The following CHL1 variants were observed in gnomAD, a reference collection of about 807,000 sequenced individuals.
CHL1 encodes cell adhesion molecule L1 like, also known as neural cell adhesion molecule L1-like protein.
In CHL1, 96 loss-of-function variants were observed where a neutral mutation model predicts 141.9. The ratio of observed to expected loss-of-function variants is 0.68; its 90% CI spans 0.57 to 0.80. The LOEUF is 0.80. Among genes scored for constraint, CHL1 ranks in the 30% least tolerant of loss-of-function variants. The pLI, the probability that CHL1 is intolerant of heterozygous loss-of-function variation, is 0.00. For missense variants in CHL1, 1,820 were observed against 1,457.2 expected, an observed-to-expected ratio of 1.25 and a Z score of -4.05; for synonymous variants, 613 against 502.2, an observed-to-expected ratio of 1.22 and a Z score of -2.95.
intron 2 of CHL1, among the ~76,000 whole-genome samples, chr3:296,530 T>A (rs943340622): frequency 6.6e-6 from 1 of 152,170 alleles, no homozygotes; most frequent in African/African-American, 2.4e-5. Flanking sequence ...TAACTCATGC[T>A]TTCATAGTTT....
chr3:304,210 G>A (rs1699019714), intron 2 of CHL1, among the ~76,000 whole-genome samples: 1 of 152,102 alleles, frequency 6.6e-6, no homozygotes, highest in Admixed American at 6.5e-5. Context: ...TGTTGTTGTT[G>A]TTGTGTTTCT....
intron 1 of CHL1, among the ~76,000 whole-genome samples, chr3:202,204 T>C (rs143630380): frequency 1.3e-5 from 2 of 152,300 alleles, no homozygotes; most frequent in Non-Finnish European, 2.9e-5. Context: ...GTGGACATTG[T>C]ATGGGGCAAT....
intron 1 of CHL1, among the ~76,000 whole-genome samples, chr3:204,693 C>T (rs980021492): frequency 2.0e-5 from 3 of 152,146 alleles, no homozygotes; most frequent in African/African-American, 7.2e-5. Flanking sequence ...AATAACACGT[C>T]TCATGTGCAA....
At chr3:203,391 G>T (rs958221301) in intron 1 of CHL1, among the ~76,000 whole-genome samples, 3 of 152,254 alleles carry the variant, frequency 2.0e-5, no homozygotes, top group African/African-American at 7.2e-5. Context: ...CCACAGGTTA[G>T]AACCCAGTGG....
chr3:375,124 C>A (rs1181586737), intron 15 of CHL1, among the ~76,000 whole-genome samples: 1 of 152,106 alleles, frequency 6.6e-6, no homozygotes, highest in East Asian at 1.9e-4. Context: ...AATGCCCCCC[C>A]AGGAATTTTC....
chr3:372,201 T>A, intron 15 of CHL1, among the ~76,000 whole-genome samples: 1 of 152,184 alleles, frequency 6.6e-6, no homozygotes, highest in East Asian at 1.9e-4. Flanking sequence ...GGAAGTGTGT[T>A]TTTCAGCTTG....
At position 391,733 on chromosome 3, in the gene CHL1, A is replaced by G. The variant is rs1296153667; in HGVS notation, c.2850A>G (p.Leu950=). The G allele has an allele frequency of 1.2e-6, 2 of 1,604,624 alleles. No homozygotes were observed. The highest frequency in any genetic ancestry group is 1.7e-6 in the Non-Finnish European group (2 of 1,172,986). ...VIKVDKDTAT[L]SWGLPKKLNG... The stretch of plus-strand genomic sequence containing the variant: ...AAGTTGATAAAGACACTGCCACTTT[A>G]TCTTGGGGACTACCTAAGAAATTAA... Residue 950 remains leucine (L), a synonymous_variant, in exon 23 of 28, where the codon TTA becomes TTG. Coordinates refer to ENST00000256509, the MANE Select transcript of CHL1 (RefSeq NM_006614.4).
intron 9 of CHL1, 31 bp downstream of exon 9, chr3:344,740 G>T (rs780779335): frequency 1.2e-6 from 2 of 1,608,978 alleles, no homozygotes; most frequent in South Asian, 2.2e-5. Context: ...TCATGACTTT[G>T]TCCATCCAGT....
At chr3:226,638 G>C (rs923562480) in intron 1 of CHL1, among the ~76,000 whole-genome samples, 1 of 151,706 alleles carries the variant, frequency 6.6e-6, no homozygotes, top group African/African-American at 2.4e-5. Context: ...GTAGAGACAG[G>C]GTTTCACCAT....
chr3:316,927 T>C (rs1700192200), intron 2 of CHL1, among the ~76,000 whole-genome samples: 1 of 152,078 alleles, frequency 6.6e-6, no homozygotes, highest in Non-Finnish European at 1.5e-5. Flanking sequence ...TTTATTGCTA[T>C]CTTACTGTTG....
At chr3:205,490 AC>A (rs1181825006) in intron 1 of CHL1, among the ~76,000 whole-genome samples, 2 of 152,218 alleles carry the variant, frequency 1.3e-5, no homozygotes, top group Non-Finnish European at 2.9e-5. Context: ...ATCTAGAGTC[AC>A]CGTATAAACT....
At chr3:367,073 T>C (rs57441923) in intron 15 of CHL1, among the ~76,000 whole-genome samples, 1 of 152,122 alleles carries the variant, frequency 6.6e-6, no homozygotes, top group East Asian at 1.9e-4. Flanking sequence ...AGAGAACATA[T>C]AGAGGAAAGT....
intron 2 of CHL1, among the ~76,000 whole-genome samples, chr3:256,223 G>A (rs994022153): frequency 9.9e-5 from 15 of 151,208 alleles, no homozygotes; most frequent in Non-Finnish European, 1.5e-5. Context: ...TAAAAATATA[G>A]TATGACTTTG....
intron 2 of CHL1, among the ~76,000 whole-genome samples, chr3:266,728 C>T (rs1021089607): frequency 6.6e-6 from 1 of 152,218 alleles, no homozygotes; most frequent in Non-Finnish European, 1.5e-5. Context: ...GAAATGTTAG[C>T]ACACTGTAGA....
intron 1 of CHL1, among the ~76,000 whole-genome samples, chr3:236,844 C>G (rs1162408159): frequency 6.9e-6 from 1 of 144,840 alleles, no homozygotes; most frequent in East Asian, 1.9e-4. Context: ...TCCTTCAGTC[C>G]CATTATTAGA....
chr3:294,820 A>G (rs2124841002), intron 2 of CHL1, among the ~76,000 whole-genome samples: 1 of 152,338 alleles, frequency 6.6e-6, no homozygotes, highest in Non-Finnish European at 1.5e-5. Flanking sequence ...GCTATTCACC[A>G]GTGAGAATGC....
chr3:242,265 A>G (rs995299308), intron 1 of CHL1, among the ~76,000 whole-genome samples: 3 of 152,174 alleles, frequency 2.0e-5, no homozygotes, highest in East Asian at 3.8e-4. Flanking sequence ...TCCAGAGATC[A>G]TGCACCTACA....
chr3:289,233 A>C (rs1189345672), intron 2 of CHL1, among the ~76,000 whole-genome samples: 2 of 152,214 alleles, frequency 1.3e-5, no homozygotes, highest in African/African-American at 4.8e-5. Context: ...TGCATTTGCA[A>C]AGTTAGATTT....
chr3:227,033 G>A (rs918300290), intron 1 of CHL1, among the ~76,000 whole-genome samples: 8 of 152,084 alleles, frequency 5.3e-5, no homozygotes, highest in African/African-American at 1.9e-4. Flanking sequence ...AGTCTTCATA[G>A]GTAAAATGAA....
Sources: allele counts gnomAD v4.1 joint callset (sites outside exome capture counted in the v4.1 genomes callset), GRCh38; gene constraint gnomAD v4.1.1; transcripts MANE v1.5; gene names NCBI Gene and HGNC (gene_info 2026-07-23, HGNC 2026-07-21).